ATP10A: variants seen among roughly 807,000 people sequenced by gnomAD.
The protein encoded by ATP10A is phospholipid-transporting ATPase VA.
Under a neutral mutation model 147.8 loss-of-function variants are expected in ATP10A, and 111 were observed. That is an observed-to-expected ratio of 0.75 (90% CI 0.64 to 0.88). The LOEUF is 0.88. ATP10A is among the 40% of genes least tolerant of loss of function. The pLI is 0.00. For missense variants in ATP10A, 1,927 were observed against 1,959.0 expected, an observed-to-expected ratio of 0.98 and a Z score of 0.31; for synonymous variants, 875 against 841.6, an observed-to-expected ratio of 1.04 and a Z score of -0.69.
intron 2 of ATP10A, among the ~76,000 whole-genome samples, chr15:25,779,033 C>T (rs767423543): frequency 1.3e-5 from 2 of 151,972 alleles, no homozygotes; most frequent in Admixed American, 6.6e-5. Context: ...TGCGCCACCA[C>T]GCCCAGCTAA....
chr15:25,755,043 T>C (rs1235792244), intron 2 of ATP10A, among the ~76,000 whole-genome samples: 1 of 152,202 alleles, frequency 6.6e-6, no homozygotes, highest in Non-Finnish European at 1.5e-5. Flanking sequence ...ATTCATGATC[T>C]ACTCCAGAAT....
intron 1 of ATP10A, among the ~76,000 whole-genome samples, chr15:25,796,676 C>T (rs375980733): frequency 3.3e-5 from 5 of 152,172 alleles, no homozygotes; most frequent in East Asian, 1.9e-4. Flanking sequence ...AGGCAGACAT[C>T]GTCAGAGCCA....
At chr15:25,778,989 G>C (rs1413272347) in intron 2 of ATP10A, among the ~76,000 whole-genome samples, 1 of 152,120 alleles carries the variant, frequency 6.6e-6, no homozygotes, top group Non-Finnish European at 1.5e-5. Context: ...CGATTCTCCT[G>C]CCTCAGCCTC....
rs190712942 is a variant in ATP10A at position 25,712,171 on chromosome 15, T to C, written c.2344+1503A>G. ...AGTTTTCTGGGTTATCCTTGGTAAT[T>C]TTTTGGGGGGGACGGGGTGGAGTGT... On this transcript the variant is annotated intron_variant, in intron 10 of 20. Coordinates refer to ENST00000555815, the MANE Select transcript of ATP10A (RefSeq NM_024490.4). Among the ~76,000 whole-genome samples the C allele has an allele frequency of 2.6e-3, 390 of 152,292 alleles. 1 individual carries two copies. Among genetic ancestry groups the C allele is most frequent in the African/African-American group, 9.2e-3 (382 of 41,564 alleles).
intron 13 of ATP10A, 72 bp from the exon 14 acceptor site, chr15:25,695,218 A>G (rs1596699341): frequency 2.1e-6 from 3 of 1,412,662 alleles, no homozygotes; most frequent in Middle Eastern, 1.8e-4. Flanking sequence ...CTGGCTCAAC[A>G]CCTCTGGAGC....
At chr15:25,755,494 G>A (rs1888364502) in intron 2 of ATP10A, among the ~76,000 whole-genome samples, 1 of 152,174 alleles carries the variant, frequency 6.6e-6, no homozygotes, top group South Asian at 2.1e-4. Flanking sequence ...CAACAACCCA[G>A]AACAGTTTTG....
chr15:25,827,005 A>C (rs1247631061), intron 1 of ATP10A, among the ~76,000 whole-genome samples: 1 of 152,216 alleles, frequency 6.6e-6, no homozygotes, highest in Non-Finnish European at 1.5e-5. Flanking sequence ...AGAATCTGGA[A>C]GAAAGAAAGA....
intron 16 of ATP10A, among the ~76,000 whole-genome samples, chr15:25,685,230 T>A (rs1899646696): frequency 6.6e-6 from 1 of 152,208 alleles, no homozygotes; most frequent in Non-Finnish European, 1.5e-5. Context: ...GAATTTCTCA[T>A]TTCAGGAGGC....
chr15:25,788,001 G>GAAA (rs1890250134), intron 1 of ATP10A, among the ~76,000 whole-genome samples: 1 of 152,162 alleles, frequency 6.6e-6, no homozygotes, highest in Non-Finnish European at 1.5e-5. Flanking sequence ...TCCCGCTAGG[G>GAAA]CAGGGTAGCT....
intron 1 of ATP10A, among the ~76,000 whole-genome samples, chr15:25,787,495 G>A (rs753486564): frequency 4.6e-5 from 7 of 151,658 alleles, no homozygotes; most frequent in South Asian, 2.1e-4. Context: ...ACCTTGGTCC[G>A]AGCTACTCAG....
chr15:25,804,593 G>A (rs1259117670), intron 1 of ATP10A, among the ~76,000 whole-genome samples: 1 of 152,096 alleles, frequency 6.6e-6, no homozygotes, highest in African/African-American at 2.4e-5. Flanking sequence ...AAAGAGCTGA[G>A]GCCTTAAACA....
At chr15:25,789,722 A>G (rs1890325745) in intron 1 of ATP10A, among the ~76,000 whole-genome samples, 1 of 152,076 alleles carries the variant, frequency 6.6e-6, no homozygotes, top group Non-Finnish European at 1.5e-5. Context: ...TGCCAGCAAC[A>G]ATAGCTTTCA....
chr15:25,679,687 A>T lies in ATP10A; in HGVS notation c.4154T>A (p.Leu1385Gln). ...MSMPVREHTL[L>Q]EGLSAPAPMS... is the part of the protein sequence containing the mutation. ...GGGGGCCGGTGCGCTCAGCCCCTCC[A>T]GCAGGGTGTGCTCCCTCACTGGCAT... The change falls in exon 21 of 21, where the codon CTG becomes CAG. Residue 1385 changes from leucine to glutamine, a missense_variant. By Grantham distance (113) the Leu-to-Gln change is moderately radical (BLOSUM62 -2). Transcript: ENST00000555815. 6.2e-7 allele frequency: 1 copy of T among 1,613,288 alleles called. No individual in the cohort carries two copies. Among genetic ancestry groups the T allele is most frequent in the Non-Finnish European group, 8.5e-7 (1 of 1,180,010 alleles).
chr15:25,743,142 G>A (rs536282406), intron 2 of ATP10A, among the ~76,000 whole-genome samples: 1 of 152,304 alleles, frequency 6.6e-6, no homozygotes, highest in East Asian at 1.9e-4. Flanking sequence ...GGACCACAGG[G>A]CCATTGGTAG....
chr15:25,711,691 A>G (rs996975727), intron 10 of ATP10A, among the ~76,000 whole-genome samples: 1 of 152,164 alleles, frequency 6.6e-6, no homozygotes, highest in Non-Finnish European at 1.5e-5. Context: ...AGTTGAGACA[A>G]TGTCATTACC....
chr15:25,770,783 C>G (rs142214088), intron 2 of ATP10A, among the ~76,000 whole-genome samples: 3 of 152,284 alleles, frequency 2.0e-5, no homozygotes, highest in East Asian at 1.9e-4. Context: ...ATGCACCTGA[C>G]AGCAATACCT....
intron 1 of ATP10A, chr15:25,848,940 G>A (rs1404151883): frequency 6.5e-6 from 1 of 153,036 alleles, no homozygotes; most frequent in African/African-American, 2.4e-5. Flanking sequence ...CCATTGAAAA[G>A]AGGATTTGTT....
intron 1 of ATP10A, among the ~76,000 whole-genome samples, chr15:25,848,473 A>C (rs2140905139): frequency 6.6e-6 from 1 of 151,836 alleles, no homozygotes; most frequent in East Asian, 2.0e-4. Context: ...GTCATTTCAC[A>C]ATTCTGGAGG....
chr15:25,807,222 C>A (rs1419665478), intron 1 of ATP10A, among the ~76,000 whole-genome samples: 3 of 152,208 alleles, frequency 2.0e-5, no homozygotes, highest in Non-Finnish European at 4.4e-5. Context: ...CCTGGAGCAC[C>A]ACTGGCTGCT....
Sources: gnomAD v4.1 joint callset for allele counts (sites outside exome capture counted in the v4.1 genomes callset) on GRCh38, gnomAD v4.1.1 for gene constraint, MANE v1.5 for transcripts, NCBI Gene and HGNC (gene_info 2026-07-23, HGNC 2026-07-21) for gene names.